ACSM2B: variants seen among roughly 807,000 people sequenced by gnomAD.
ACSM2B encodes the protein acyl-coenzyme A synthetase ACSM2B, mitochondrial.
A neutral mutation model predicts 78.6 loss-of-function variants in ACSM2B; 58 were observed. The ratio of observed to expected loss-of-function variants is 0.74; its 90% confidence interval spans 0.60 to 0.92. The LOEUF is 0.92. Ranked by LOEUF, ACSM2B falls within the 40% of genes least tolerant of loss-of-function variation. ACSM2B has a pLI of 0.00. For missense variants in ACSM2B, 688 were observed against 711.2 expected, an observed-to-expected ratio of 0.97 and a Z score of 0.37; for synonymous variants, 257 against 256.8, an observed-to-expected ratio of 1.00 and a Z score of -0.01.
chr16:20,542,963 G>C lies in ACSM2B; in HGVS notation c.1460C>G (p.Ala487Gly). 1 of 1,613,656 alleles carries C rather than the reference G, an allele frequency of 6.2e-7. No individual in the cohort carries two copies. The highest frequency in any genetic ancestry group is 8.5e-7 in the Non-Finnish European group (1 of 1,179,858). Residue 487 changes from alanine to glycine, a missense_variant, in exon 12 of 14, where the codon GCT becomes GGT. By Grantham distance (60) the Ala-to-Gly change is moderately conservative (BLOSUM62 0). Transcript: ENST00000329697. ...GCTGATCACAGCCGTCTCAACCACA[G>C]CAGGGTGCTTCATCAGTGCATTCTC... ...EVENALMKHP[A>G]VVETAVISSP... is the part of the protein sequence containing the mutation.
At chr16:20,562,802 T>C (rs921640190) in intron 2 of ACSM2B, among the ~76,000 whole-genome samples, 7 of 152,050 alleles carry the variant, frequency 4.6e-5, no homozygotes, top group South Asian at 2.1e-4. Context: ...ACCAGTTGCT[T>C]CTGTAGTTAA....
chr16:20,567,108 T>C (rs551359962), intron 1 of ACSM2B, among the ~76,000 whole-genome samples: 1 of 135,736 alleles, frequency 7.4e-6, no homozygotes, highest in Non-Finnish European at 1.5e-5. Context: ...TCATAATATA[T>C]ATAATAGTAT....
chr16:20,572,003 T>C (rs1242554444), intron 1 of ACSM2B, among the ~76,000 whole-genome samples: 2 of 150,866 alleles, frequency 1.3e-5, no homozygotes, highest in Non-Finnish European at 3.0e-5. Context: ...AGATACTTGG[T>C]TGGCATATTC....
At chr16:20,548,712 A>C (rs946203743) in intron 6 of ACSM2B, among the ~76,000 whole-genome samples, 8 of 152,226 alleles carry the variant, frequency 5.3e-5, no homozygotes, top group African/African-American at 1.9e-4. Context: ...CTAATTTGAA[A>C]CATTTTTGTC....
intron 1 of ACSM2B, among the ~76,000 whole-genome samples, chr16:20,568,625 C>T (rs2016003899): frequency 6.6e-6 from 1 of 151,346 alleles, no homozygotes; most frequent in African/African-American, 2.4e-5. Context: ...TTCTACTTTT[C>T]GTTCTTTGAT....
chr16:20,539,042 C>T (rs1505107), intron 13 of ACSM2B, among the ~76,000 whole-genome samples: 27 of 151,828 alleles, frequency 1.8e-4, no homozygotes, highest in East Asian at 5.8e-4. Flanking sequence ...CACCTGTGAC[C>T]GTAAAGACCC....
In ACSM2B at chr16:20,537,319, A is replaced by G. The variant is rs1477784339; in HGVS notation, c.1673T>C (p.Ile558Thr). Reference protein sequence around the residue: ...LNLPKTVTGKIQRTKLRDKEW... With the variant: ...LNLPKTVTGKTQRTKLRDKEW... The stretch of plus-strand genomic sequence containing the variant: ...CTTGTCTCGAAGTTTGGTTCGTTGA[A>G]TTTTCCCTGTGACAGTCTTGGGCAG... Residue 558 changes from isoleucine to threonine, a missense_variant, in exon 14 of 14, where the codon ATT becomes ACT. Physicochemically the swap from Ile to Thr is moderately conservative, Grantham distance 89. Transcript: ENST00000329697. 1.2e-6 allele frequency: 2 copies of G among 1,613,980 alleles called. No homozygotes were observed. The highest frequency in any genetic ancestry group is 1.7e-6 in the Non-Finnish European group (2 of 1,179,906).
chr16:20,553,492 A>G (rs1476019387), intron 5 of ACSM2B, among the ~76,000 whole-genome samples: 1 of 152,234 alleles, frequency 6.6e-6, no homozygotes, highest in Non-Finnish European at 1.5e-5. Context: ...CATAGAGATC[A>G]GCCTGGGGAA....
At chr16:20,542,517 T>A in intron 12 of ACSM2B, 1 of 200,736 alleles carries the variant, frequency 5.0e-6, no homozygotes, top group Non-Finnish European at 1.0e-5. Context: ...GATACTTAGG[T>A]TGATCCCATA....
chr16:20,540,506 G>A (rs986610460), intron 13 of ACSM2B, 148 bp downstream of exon 13: 1 of 1,394,956 alleles, frequency 7.2e-7, no homozygotes, highest in Non-Finnish European at 9.6e-7. Flanking sequence ...GCCTTCCAAA[G>A]TGCTGGGATT....
intron 6 of ACSM2B, among the ~76,000 whole-genome samples, chr16:20,551,220 T>C (rs1355717681): frequency 6.6e-6 from 1 of 152,230 alleles, no homozygotes; most frequent in South Asian, 2.1e-4. Context: ...ATGAACACCT[T>C]CTGCAGTGGT....
At chr16:20,549,857 T>C in intron 6 of ACSM2B, 2 of 440,838 alleles carry the variant, frequency 4.5e-6, no homozygotes, top group Non-Finnish European at 9.0e-6. Flanking sequence ...TGGTTGACAA[T>C]TGGTTGAGTT....
At chr16:20,565,433 G>A (rs955809482) in intron 1 of ACSM2B, among the ~76,000 whole-genome samples, 2 of 152,162 alleles carry the variant, frequency 1.3e-5, no homozygotes, top group African/African-American at 4.8e-5. Context: ...ATCAAGAAAT[G>A]TGGAGTTGAG....
chr16:20,566,750 CTATA>C (rs1567218696), intron 1 of ACSM2B, among the ~76,000 whole-genome samples: 1 of 42,426 alleles, frequency 2.4e-5, no homozygotes, highest in African/African-American at 2.3e-4. Context: ...ACTATATATA[CTATA>C]TATAGTATAT....
At chr16:20,548,372 C>T in intron 7 of ACSM2B, 22 bp downstream of exon 7, 1 of 1,613,456 alleles carries the variant, frequency 6.2e-7, no homozygotes, top group Non-Finnish European at 8.5e-7. Flanking sequence ...GACTCTCTTA[C>T]CAATCCTCAA....
rs28621389 is a variant in ACSM2B, at chr16:20,552,341, G to A, written c.741-44C>T. The A allele has an allele frequency of 9.9e-3, 15,615 of 1,578,852 alleles. 1,248 individuals carry two copies. The African/African-American group carries it at 0.18, about 19-fold the overall frequency. On this transcript the variant is annotated intron_variant, in intron 5 of 13. Coordinates refer to ENST00000329697, the MANE Select transcript of ACSM2B (RefSeq NM_001105069.2). Reference sequence around the variant, plus strand: ...CACATGTACATATAGGTGGGTGCATGCTTAGGATGCGTGGGACACTAAGGT... The same window carrying A: ...CACATGTACATATAGGTGGGTGCATACTTAGGATGCGTGGGACACTAAGGT...
chr16:20,540,901 G>T (rs2014970775), intron 12 of ACSM2B, 128 bp from the exon 13 acceptor site: 4 of 1,391,054 alleles, frequency 2.9e-6, no homozygotes, highest in African/African-American at 1.4e-5. Context: ...GGTGATCCAG[G>T]TCAAGGGAAA....
intron 9 of ACSM2B, among the ~76,000 whole-genome samples, chr16:20,546,125 A>G (rs547540617): frequency 9.9e-5 from 15 of 152,156 alleles, no homozygotes; most frequent in Admixed American, 3.3e-4. Context: ...TTTTGTTTTT[A>G]AAGCATATAT....
At chr16:20,541,301 C>G (rs374265849) in intron 12 of ACSM2B, 17 of 154,130 alleles carry the variant, frequency 1.1e-4, no homozygotes, top group African/African-American at 4.1e-4. Flanking sequence ...CTGTACGTAC[C>G]AGAGGTATGA....
Sources: gnomAD v4.1 joint callset for allele counts (sites outside exome capture counted in the v4.1 genomes callset) on GRCh38, gnomAD v4.1.1 for gene constraint, MANE v1.5 for transcripts, NCBI Gene and HGNC (gene_info 2026-07-23, HGNC 2026-07-21) for gene names.